Variants in MITF observed in about 807,000 individuals in gnomAD.
MITF encodes melanocyte inducing transcription factor.
A neutral mutation model predicts 60.5 loss-of-function variants in MITF; 17 were observed. The ratio of observed to expected loss-of-function variants is 0.28; its 90% CI spans 0.19 to 0.42. MITF has a LOEUF of 0.42. Among genes scored for constraint, MITF ranks in the 10% least tolerant of loss-of-function variants. The pLI, the probability that MITF is intolerant of heterozygous loss-of-function variation, is 1.00. For synonymous variants in MITF, 260 were observed against 248.5 expected (o/e 1.05, Z -0.43); for missense variants, 622 against 683.5 (o/e 0.91, Z 1.00).
chr3:69,779,895 GT>G (rs750175038), intron 1 of MITF, among the ~76,000 whole-genome samples: 47 of 152,220 alleles, frequency 3.1e-4, no homozygotes, highest in Middle Eastern at 3.4e-3. Flanking sequence ...TGTTAAGTGG[GT>G]TGTCCTAGTA....
intron 1 of MITF, among the ~76,000 whole-genome samples, chr3:69,768,920 G>A (rs1360403714): frequency 2.0e-5 from 3 of 152,156 alleles, no homozygotes; most frequent in African/African-American, 7.2e-5. Flanking sequence ...GATGTAGGTG[G>A]GGAGGGCATG....
At chr3:69,840,930 A>G (rs572425108) in intron 1 of MITF, among the ~76,000 whole-genome samples, 1 of 152,014 alleles carries the variant, frequency 6.6e-6, no homozygotes, top group South Asian at 2.1e-4. Context: ...TAAGTTTTGC[A>G]TTTTTAGTAG....
chr3:69,956,618 C>T (rs1559749105), intron 8 of MITF, 88 bp downstream of exon 8: 1 of 1,111,184 alleles, frequency 9.0e-7, no homozygotes, highest in African/African-American at 1.5e-5. Flanking sequence ...GTTGTAAAAA[C>T]TAAAGTAAAG....
At chr3:69,820,179 G>A (rs1261010647) in intron 1 of MITF, among the ~76,000 whole-genome samples, 1 of 152,170 alleles carries the variant, frequency 6.6e-6, no homozygotes, top group East Asian at 1.9e-4. Context: ...TATGTTTTGG[G>A]TAAATAAGGT....
chr3:69,927,843 A>G (rs1332989606), intron 2 of MITF, among the ~76,000 whole-genome samples: 1 of 152,232 alleles, frequency 6.6e-6, no homozygotes, highest in Admixed American at 6.5e-5. Flanking sequence ...TCCAGTGTCA[A>G]TAGTGCTGAG....
intron 2 of MITF, among the ~76,000 whole-genome samples, chr3:69,899,974 T>A (rs1322149975): frequency 1.3e-5 from 2 of 152,156 alleles, no homozygotes; most frequent in African/African-American, 4.8e-5. Flanking sequence ...TTGACCCCTC[T>A]CCACTTATGC....
rs1353134189 is a variant in MITF, at chr3:69,965,994, T to C, written c.*746T>C. ...GTGTGATCCAGTTTTTCATAAGATA[T>C]TTTATTTTGAAATGGAAATTAATGT... On this transcript the variant is annotated 3_prime_UTR_variant, in exon 10 of 10. Coordinates refer to ENST00000352241, the MANE Select transcript of MITF (RefSeq NM_001354604.2). 5 of 232,010 alleles carry C rather than the reference T, an allele frequency of 2.2e-5. No homozygotes were observed. The highest frequency in any genetic ancestry group is 5.6e-5 in the Admixed American group (1 of 17,750). The allele number at this position is 232,010 out of a possible 1,614,324, so 14.4% of individuals were successfully genotyped here.
intron 1 of MITF, among the ~76,000 whole-genome samples, chr3:69,801,567 T>C (rs890254406): frequency 2.0e-5 from 3 of 152,262 alleles, no homozygotes; most frequent in Admixed American, 1.3e-4. Context: ...TTGCTGCATA[T>C]ACCAGGCAGC....
chr3:69,913,433 T>G (rs924215598), intron 2 of MITF, among the ~76,000 whole-genome samples: 2 of 152,198 alleles, frequency 1.3e-5, no homozygotes, highest in Admixed American at 6.5e-5. Flanking sequence ...TATTTTTCTT[T>G]AGGAGATGAA....
chr3:69,859,339 G>A (rs894156954), intron 1 of MITF, among the ~76,000 whole-genome samples: 2 of 152,200 alleles, frequency 1.3e-5, no homozygotes, highest in African/African-American at 4.8e-5. Flanking sequence ...GCAAGAAACA[G>A]TGTCTCTCTA....
intron 1 of MITF, among the ~76,000 whole-genome samples, chr3:69,743,545 G>A (rs918109131): frequency 3.9e-5 from 6 of 152,200 alleles, no homozygotes; most frequent in Admixed American, 2.0e-4. Flanking sequence ...GAAGTTGCTG[G>A]ATTTAGATTA....
rs1360201128 is a variant in MITF at position 69,966,590 on chromosome 3, G to T, written c.*1342G>T. 2 of 232,988 alleles carry T rather than the reference G, an allele frequency of 8.6e-6. No individual in the cohort carries two copies. Among genetic ancestry groups the T allele is most frequent in the Non-Finnish European group, 1.7e-5 (2 of 117,750 alleles). The allele number at this position is 232,988 out of a possible 1,614,324, so 14.4% of individuals were successfully genotyped here. On this transcript the variant is annotated 3_prime_UTR_variant, in exon 10 of 10. Transcript: ENST00000352241. ...AATTTATTTTTAAGAAAGAAATACT[G>T]TATTGGGAAGTTACTGTTACTTGAT...
At chr3:69,820,067 C>T (rs947439539) in intron 1 of MITF, among the ~76,000 whole-genome samples, 9 of 152,156 alleles carry the variant, frequency 5.9e-5, no homozygotes, top group African/African-American at 1.7e-4. Context: ...CAAATTGAGA[C>T]GTACTGTATG....
At chr3:69,751,995 A>G (rs921441229) in intron 1 of MITF, 2 of 152,172 alleles carry the variant, frequency 1.3e-5, no homozygotes, top group Admixed American at 1.3e-4. Flanking sequence ...TGCTCCCACC[A>G]CGTGAGATGC....
At chr3:69,847,303 C>T (rs983559605) in intron 1 of MITF, among the ~76,000 whole-genome samples, 12 of 152,142 alleles carry the variant, frequency 7.9e-5, no homozygotes, top group Non-Finnish European at 1.8e-4. Flanking sequence ...CAAGCTCTTT[C>T]GGAAGACAGT....
chr3:69,783,240 A>T (rs1465282740), intron 1 of MITF, among the ~76,000 whole-genome samples: 5 of 152,132 alleles, frequency 3.3e-5, no homozygotes, highest in Admixed American at 1.3e-4. Flanking sequence ...ATTGTGGGGA[A>T]GTTGAGATAC....
In MITF at chr3:69,965,164, C is replaced by G. The variant is rs773740696; in HGVS notation, c.1497C>G (p.Leu499=). The change falls in exon 10 of 10, where the codon CTC becomes CTG. Residue 499 remains leucine (L), a synonymous_variant. Coordinates refer to ENST00000352241, the MANE Select transcript of MITF (RefSeq NM_001354604.2). ...CTCCCGTCGGTGTCACTGATCCACT[C>G]CTTTCCTCAGTGTCCCCCGGAGCTT... is the stretch of plus-strand genomic sequence containing the variant. The part of the protein sequence containing the change: ...TLSPVGVTDP[L]LSSVSPGASK... 1.2e-6 allele frequency: 2 copies of G among 1,613,908 alleles called. No individual in the cohort carries two copies. The highest frequency in any genetic ancestry group is 1.7e-6 in the Non-Finnish European group (2 of 1,179,956).
intron 1 of MITF, among the ~76,000 whole-genome samples, chr3:69,789,719 G>A (rs1559631068): frequency 6.6e-6 from 1 of 152,134 alleles, no homozygotes; most frequent in Non-Finnish European, 1.5e-5. Flanking sequence ...AGCTGGGCGT[G>A]GTGGCACACA....
intron 1 of MITF, among the ~76,000 whole-genome samples, chr3:69,867,906 G>T (rs1386790140): frequency 6.6e-6 from 1 of 152,120 alleles, no homozygotes; most frequent in African/African-American, 2.4e-5. Flanking sequence ...TCACAAACAC[G>T]TTTGACAAAA....
Sources: allele counts gnomAD v4.1 joint callset (sites outside exome capture counted in the v4.1 genomes callset), GRCh38; gene constraint gnomAD v4.1.1; transcripts MANE v1.5; gene names NCBI Gene and HGNC (gene_info 2026-07-23, HGNC 2026-07-21).